ATP2A2: variants seen among roughly 807,000 people sequenced by gnomAD.
ATP2A2 encodes sarcoplasmic/endoplasmic reticulum calcium ATPase 2.
Under a neutral mutation model 109.3 loss-of-function variants are expected in ATP2A2, and 14 were observed. The observed-to-expected ratio is 0.13, with a 90% CI of 0.08 to 0.20. The LOEUF is 0.20. Ranked by LOEUF, ATP2A2 falls within the 10% of genes least tolerant of loss-of-function variation. The pLI is 1.00. For synonymous variants in ATP2A2, 506 were observed against 490.9 expected (o/e 1.03, Z -0.41); for missense variants, 657 against 1,321.6 (o/e 0.50, Z 7.80).
At chr12:110,287,574 C>G (rs1442648711) in intron 3 of ATP2A2, among the ~76,000 whole-genome samples, 1 of 152,118 alleles carries the variant, frequency 6.6e-6, no homozygotes, top group African/African-American at 2.4e-5. Context: ...GTGGTCTTCT[C>G]TTTTACTTTT....
intron 5 of ATP2A2, among the ~76,000 whole-genome samples, chr12:110,303,951 C>T (rs1256066428): frequency 6.6e-6 from 1 of 152,134 alleles, no homozygotes; most frequent in African/African-American, 2.4e-5. Context: ...TTTTCATCAC[C>T]CTCAGAAAAA....
chr12:110,321,053 G>T (rs968713012), intron 5 of ATP2A2, among the ~76,000 whole-genome samples: 1 of 152,030 alleles, frequency 6.6e-6, no homozygotes, highest in African/African-American at 2.4e-5. Context: ...ATAGTGAAAC[G>T]CTATCTCTAC....
At chr12:110,299,206 T>C (rs1397159827) in intron 5 of ATP2A2, among the ~76,000 whole-genome samples, 1 of 151,916 alleles carries the variant, frequency 6.6e-6, no homozygotes, top group Non-Finnish European at 1.5e-5. Context: ...ACTCCTGGGC[T>C]CAGGCAGTCC....
chr12:110,286,176 G>C (rs1393937527), intron 3 of ATP2A2, among the ~76,000 whole-genome samples: 1 of 152,154 alleles, frequency 6.6e-6, no homozygotes, highest in Non-Finnish European at 1.5e-5. Flanking sequence ...ACCTGCCTCA[G>C]CCTCCCAAAG....
At chr12:110,345,517 C>A in intron 18 of ATP2A2, 135 bp downstream of exon 18, 1 of 1,362,520 alleles carries the variant, frequency 7.3e-7, no homozygotes, top group Non-Finnish European at 1.0e-6. Context: ...CAGGCAATAC[C>A]AGTTTTAAAA....
intron 5 of ATP2A2, among the ~76,000 whole-genome samples, chr12:110,301,477 T>C (rs537623304): frequency 6.6e-5 from 10 of 152,272 alleles, no homozygotes; most frequent in African/African-American, 2.4e-4. Flanking sequence ...TCCCCCCTCT[T>C]ATCCTCTGAT....
intron 4 of ATP2A2, chr12:110,295,922 A>G (rs1873913997): frequency 6.6e-6 from 1 of 152,568 alleles, no homozygotes; most frequent in African/African-American, 2.4e-5. Flanking sequence ...TGTGTGCCCA[A>G]ACACAATCTA....
chr12:110,342,536 CA>C lies in ATP2A2; in HGVS notation c.2318+89del. 6.9e-7 allele frequency: 1 copy of C among 1,446,910 alleles called. No homozygotes were observed. Among genetic ancestry groups the C allele is most frequent in the Non-Finnish European group, 9.5e-7 (1 of 1,047,956 alleles). 89.6% of individuals were successfully genotyped at this position (1,446,910 alleles called of 1,614,324 possible). A position where few individuals can be genotyped will look rare whatever the true frequency, so the allele number is the denominator to read the frequency against. On this transcript the variant is annotated intron_variant, in intron 15 of 19. Transcript: ENST00000539276. The surrounding 1 kb of genome is among the most constrained non-coding windows in gnomAD (Gnocchi z 4.6). ...TTCTCGCAGTTTGCTCTCCAGATTGCAGCAGCTTTGGTCTTTGTGCCTGAGT... is the reference window on the plus strand; with the variant it reads ...TTCTCGCAGTTTGCTCTCCAGATTGCGCAGCTTTGGTCTTTGTGCCTGAGT...
In ATP2A2 at chr12:110,350,075, G is replaced by A; in HGVS notation, c.*3605G>A. 1 of 1,440,786 alleles carries A rather than the reference G, an allele frequency of 6.9e-7. No individual in the cohort carries two copies. The highest frequency in any genetic ancestry group is 2.6e-4 in the Middle Eastern group (1 of 3,888). The allele number at this position is 1,440,786 out of a possible 1,614,324, so 89.3% of individuals were successfully genotyped here. ...TTTATTCTGTAGCCAGACGACACGAGGAGTCTGTGTCACTGAGCCAGTGCT... is the reference window on the plus strand; with the variant it reads ...TTTATTCTGTAGCCAGACGACACGAAGAGTCTGTGTCACTGAGCCAGTGCT... On this transcript the variant is annotated 3_prime_UTR_variant, in exon 20 of 20. Transcript: ENST00000539276.
intron 5 of ATP2A2, among the ~76,000 whole-genome samples, chr12:110,297,813 T>C (rs1348195321): frequency 6.6e-6 from 1 of 152,048 alleles, no homozygotes; most frequent in African/African-American, 2.4e-5. Context: ...AGAGGGAGTT[T>C]TGCCATGTTG....
At chr12:110,290,916 T>A (rs893914706) in intron 3 of ATP2A2, among the ~76,000 whole-genome samples, 1 of 148,248 alleles carries the variant, frequency 6.7e-6, no homozygotes, top group Non-Finnish European at 1.5e-5. Flanking sequence ...GAAGTATAGT[T>A]TTTTGTTTGT....
At chr12:110,282,659 T>A (rs944815544) in intron 2 of ATP2A2, 38 bp downstream of exon 2, 1 of 1,613,732 alleles carries the variant, frequency 6.2e-7, no homozygotes, top group Non-Finnish European at 8.5e-7. Context: ...TTTTCCTCTG[T>A]TGGTGTGCTG....
Position 110,350,661 on chromosome 12 carries a change from G to A in ATP2A2, c.*4191G>A. ...GCAAAATGTCATAGCTTATATAAATGTACAGTATTCAATTGTAATGCATGC... is the reference window on the plus strand; with the variant it reads ...GCAAAATGTCATAGCTTATATAAATATACAGTATTCAATTGTAATGCATGC... On this transcript the variant is annotated 3_prime_UTR_variant, in exon 20 of 20. Coordinates refer to ENST00000539276, the MANE Select transcript of ATP2A2 (RefSeq NM_170665.4). The A allele has an allele frequency of 2.7e-6, 1 of 366,848 alleles. No individual in the cohort carries two copies. The highest frequency in any genetic ancestry group is 4.2e-5 in the Admixed American group (1 of 23,558). 22.7% of individuals were successfully genotyped at this position (366,848 alleles called of 1,614,324 possible).
chr12:110,295,661 C>T (rs117279903), intron 4 of ATP2A2, among the ~76,000 whole-genome samples: 8 of 152,260 alleles, frequency 5.3e-5, no homozygotes, highest in South Asian at 2.1e-4. Flanking sequence ...CTGAGGTACA[C>T]GTGTTACCAG....
In ATP2A2 at chr12:110,281,920, C is replaced by A; in HGVS notation, c.118+13C>A. ...TGGGGCTCCAACGGTAGGTGCAGGGCGCTCCGCTGCAGGGGCCCGGCGCGG... is the reference window on the plus strand; with the variant it reads ...TGGGGCTCCAACGGTAGGTGCAGGGAGCTCCGCTGCAGGGGCCCGGCGCGG... On this transcript the variant is annotated intron_variant, in intron 1 of 19. Transcript: ENST00000539276. The A allele has an allele frequency of 6.4e-7, 1 of 1,560,682 alleles. No individual in the cohort carries two copies. Among genetic ancestry groups the A allele is most frequent in the Non-Finnish European group, 8.7e-7 (1 of 1,153,820 alleles).
At chr12:110,328,955 A>G (rs1337109835) in intron 8 of ATP2A2, among the ~76,000 whole-genome samples, 2 of 152,176 alleles carry the variant, frequency 1.3e-5, no homozygotes, top group Non-Finnish European at 2.9e-5. Context: ...TCCCTACCTG[A>G]AGTCCTAATT....
intron 11 of ATP2A2, among the ~76,000 whole-genome samples, chr12:110,337,833 A>G (rs1220188384): frequency 6.6e-6 from 1 of 152,248 alleles, no homozygotes; most frequent in East Asian, 1.9e-4. Flanking sequence ...GTGTGTTTAC[A>G]CAGAGACCAT....
intron 11 of ATP2A2, among the ~76,000 whole-genome samples, chr12:110,334,957 GGTGGCA>G (rs367696834): frequency 0.01 from 1,530 of 152,214 alleles, 6 homozygotes; most frequent in African/African-American, 0.012. Flanking sequence ...TGGTGATGGT[GGTGGCA>G]GTGGCAGTGG....
At chr12:110,308,373 T>A (rs1241240726) in intron 5 of ATP2A2, among the ~76,000 whole-genome samples, 2 of 151,914 alleles carry the variant, frequency 1.3e-5, no homozygotes, top group South Asian at 2.1e-4. Context: ...CCCTTTATCA[T>A]GTTGAGGAAG....
Sources: allele counts gnomAD v4.1 joint callset (sites outside exome capture counted in the v4.1 genomes callset), GRCh38; gene constraint gnomAD v4.1.1; non-coding constraint Gnocchi (gnomAD v3.1); transcripts MANE v1.5; gene names NCBI Gene and HGNC (gene_info 2026-07-23, HGNC 2026-07-21).